The following IP6K2 variants were observed in gnomAD, a reference collection of about 807,000 sequenced individuals.
IP6K2 encodes the protein inositol hexakisphosphate kinase 2, also known as ATP:1D-myo-inositol-hexakisphosphate phosphotransferase.
IP6K2 carries 9 observed loss-of-function variants against 43.3 expected under a neutral mutation model. The observed-to-expected ratio is 0.21, with a 90% CI of 0.13 to 0.36. The LOEUF (loss-of-function observed/expected upper bound fraction) is 0.36. Among genes scored for constraint, IP6K2 ranks in the 10% least tolerant of loss-of-function variants. The probability of loss-of-function intolerance (pLI) is 1.00; values close to 1 mark genes in which losing one functional copy is unlikely to be tolerated. For missense variants in IP6K2, 332 were observed against 538.4 expected (o/e 0.62, Z 3.79); for synonymous variants, 209 against 202.4 (o/e 1.03, Z -0.28).
chr3:48,689,784 G>T, intron 4 of IP6K2, 71 bp from the exon 5 acceptor site: 1 of 1,358,894 alleles, frequency 7.4e-7, no homozygotes, highest in Non-Finnish European at 1.0e-6. Flanking sequence ...TCAAGGTACA[G>T]TGCCTTGATG....
At chr3:48,694,506 C>G (rs763975822) in intron 2 of IP6K2, 12 of 1,541,888 alleles carry the variant, frequency 7.8e-6, no homozygotes, top group Non-Finnish European at 1.0e-5. Flanking sequence ...CCCCACCATG[C>G]TGGTGGCTGC....
chr3:48,694,686 C>T (rs1024102586), intron 2 of IP6K2: 20 of 1,505,810 alleles, frequency 1.3e-5, no homozygotes, highest in South Asian at 6.5e-5. Flanking sequence ...CGCTGCTCCC[C>T]GGCCTACCTA....
At chr3:48,693,988 T>G in intron 2 of IP6K2, 1 of 1,372,074 alleles carries the variant, frequency 7.3e-7, no homozygotes, top group Non-Finnish European at 9.4e-7. Flanking sequence ...ACGAGCGCCT[T>G]ACAAACGACT....
chr3:48,707,828 C>A (rs2079992818), intron 1 of IP6K2, among the ~76,000 whole-genome samples: 1 of 152,160 alleles, frequency 6.6e-6, no homozygotes, highest in African/African-American at 2.4e-5. Context: ...CCCAAAACAG[C>A]AGATTGTTCC....
chr3:48,704,203 T>C (rs1191785615), intron 1 of IP6K2, among the ~76,000 whole-genome samples: 2 of 152,212 alleles, frequency 1.3e-5, no homozygotes, highest in Non-Finnish European at 2.9e-5. Flanking sequence ...AAGGATGTCT[T>C]GTGGGGAACA....
intron 1 of IP6K2, among the ~76,000 whole-genome samples, chr3:48,710,648 C>T (rs994507415): frequency 6.6e-6 from 1 of 151,906 alleles, no homozygotes; most frequent in South Asian, 2.1e-4. Flanking sequence ...CTCACTCTGT[C>T]GCCCAGGCTG....
intron 1 of IP6K2, among the ~76,000 whole-genome samples, chr3:48,699,007 A>G (rs1302043309): frequency 6.6e-6 from 1 of 152,164 alleles, no homozygotes. Flanking sequence ...CCTTAAATGT[A>G]CTCAGTTACG....
At chr3:48,698,653 A>G (rs777483790) in intron 1 of IP6K2, among the ~76,000 whole-genome samples, 2 of 151,952 alleles carry the variant, frequency 1.3e-5, no homozygotes, top group Admixed American at 6.6e-5. Flanking sequence ...TTGTATTTTT[A>G]GTAGAGATGG....
At position 48,695,125 on chromosome 3, in the gene IP6K2, G is replaced by C. The variant is rs968006325; in HGVS notation, c.167C>G (p.Pro56Arg). The stretch of plus-strand genomic sequence containing the variant: ...GGGAGTGAATTTGCGCATCTCAGCA[G>C]GGAGGGTCTCGTAGAACTGATGTTC... Reference protein sequence around the residue: ...PREHQFYETLPAEMRKFTPQY... With the variant: ...PREHQFYETLRAEMRKFTPQY... The change falls in exon 2 of 6, where the codon CCT (proline) becomes CGT (arginine). Residue 56 changes from proline (P) to arginine (R), a missense_variant. Coordinates refer to ENST00000328631, the MANE Select transcript of IP6K2 (RefSeq NM_016291.4). This position sits in a 1 kb window ranked among gnomAD's most constrained non-coding sequence, Gnocchi z 4.6. The C allele has an allele frequency of 6.2e-7, 1 of 1,612,346 alleles. No homozygotes were observed. The highest frequency in any genetic ancestry group is 8.5e-7 in the Non-Finnish European group (1 of 1,178,572).
rs150531457 is a variant in IP6K2, at chr3:48,695,484, C to T, written c.-130-63G>A. On this transcript the variant is annotated intron_variant, in intron 1 of 5. Coordinates refer to ENST00000328631, the MANE Select transcript of IP6K2 (RefSeq NM_016291.4). This position sits in a 1 kb window ranked among gnomAD's most constrained non-coding sequence, Gnocchi z 4.6. Reference sequence around the variant, plus strand: ...TAGCGTGGGAAGTGCCTTAGAGCTGCTCACCCTGCTCCTTCAGCAGAAAGA... The same window carrying T: ...TAGCGTGGGAAGTGCCTTAGAGCTGTTCACCCTGCTCCTTCAGCAGAAAGA... 6 of 1,314,522 alleles carry T rather than the reference C, an allele frequency of 4.6e-6. No individual in the cohort carries two copies. Among genetic ancestry groups the T allele is most frequent in the Non-Finnish European group, 5.8e-6 (6 of 1,029,798 alleles). The allele number at this position is 1,314,522 out of a possible 1,614,324, so 81.4% of individuals were successfully genotyped here. A position where few individuals can be genotyped will look rare whatever the true frequency, so the allele number is the denominator to read the frequency against.
chr3:48,704,497 G>C (rs2079462845), intron 1 of IP6K2, among the ~76,000 whole-genome samples: 1 of 149,056 alleles, frequency 6.7e-6, no homozygotes, highest in East Asian at 1.9e-4. Context: ...TTTTGAGACA[G>C]GGTCTCCATT....
Position 48,693,128 on chromosome 3 carries a change from A to C in IP6K2, c.254T>G (p.Ile85Arg). ...EEDEDRNLCL[I>R]AYPLKGDHGI... ...ATGGTCCCCTTTCAATGGATATGCT[A>C]TTAGACACAAGTTCCTGTCTTCATC... The change falls in exon 3 of 6, where the codon ATA becomes AGA. Residue 85 changes from isoleucine (I) to arginine (R), a missense_variant. Physicochemically the swap from Ile to Arg is moderately conservative, Grantham distance 97. Coordinates refer to ENST00000328631, the MANE Select transcript of IP6K2 (RefSeq NM_016291.4). 6.2e-7 allele frequency: 1 copy of C among 1,614,260 alleles called. No homozygotes were observed.
At chr3:48,710,716 T>C (rs992021498) in intron 1 of IP6K2, among the ~76,000 whole-genome samples, 3 of 152,054 alleles carry the variant, frequency 2.0e-5, no homozygotes, top group Admixed American at 6.6e-5. Flanking sequence ...TTCACGCCAT[T>C]CTCTTGCCTC....
intron 1 of IP6K2, among the ~76,000 whole-genome samples, chr3:48,714,103 C>T (rs376209803): frequency 2.6e-5 from 4 of 152,250 alleles, no homozygotes; most frequent in South Asian, 2.1e-4. Flanking sequence ...GGTGACAGAG[C>T]GAGACTCCGT....
Position 48,688,177 on chromosome 3 carries a change from G to T in IP6K2, c.*96C>A, listed in dbSNP as rs1434312861. 1 of 1,418,412 alleles carries T rather than the reference G, an allele frequency of 7.1e-7. No individual in the cohort carries two copies. Among genetic ancestry groups the T allele is most frequent in the Admixed American group, 1.8e-5 (1 of 55,486 alleles). The allele number at this position is 1,418,412 out of a possible 1,614,324, so 87.9% of individuals were successfully genotyped here. On this transcript the variant is annotated 3_prime_UTR_variant, in exon 6 of 6. Transcript: ENST00000328631. The surrounding 1 kb of genome is among the most constrained non-coding windows in gnomAD (Gnocchi z 5.1). Reference sequence around the variant, plus strand: ...CACTGCACATCAGCTCCAGGCTGCAGGAGCCACCACCTGGCCATACTGGCT... The same window carrying T: ...CACTGCACATCAGCTCCAGGCTGCATGAGCCACCACCTGGCCATACTGGCT...
chr3:48,702,439 G>A lies in IP6K2; in HGVS notation c.-130-7018C>T, dbSNP rs372248090. 9.4e-5 allele frequency among the ~76,000 whole-genome samples: 14 copies of A among 148,334 alleles called. No individual in the cohort carries two copies. In the East Asian group the frequency reaches 1.8e-3, roughly 19 times the overall value. On this transcript the variant is annotated intron_variant, in intron 1 of 5. Coordinates refer to ENST00000328631, the MANE Select transcript of IP6K2 (RefSeq NM_016291.4). ...ACCTCCTTCAGCCCTTTGTGCAAAT[G>A]TCACCCCCCCTTTTTTTTTTTGAGA...
intron 1 of IP6K2, among the ~76,000 whole-genome samples, chr3:48,698,230 A>G (rs1333784731): frequency 6.6e-6 from 1 of 152,222 alleles, no homozygotes; most frequent in Non-Finnish European, 1.5e-5. Flanking sequence ...GACCTTTTGA[A>G]TAAGAGTAAT....
Position 48,695,509 on chromosome 3 carries a change from A to C in IP6K2, c.-130-88T>G. On this transcript the variant is annotated intron_variant, in intron 1 of 5. Transcript: ENST00000328631. This position sits in a 1 kb window ranked among gnomAD's most constrained non-coding sequence, Gnocchi z 4.6. ...CTCACCCTGCTCCTTCAGCAGAAAG[A>C]CAAAGACAAACAGTCTGAGTTCTTG... The C allele has an allele frequency of 7.7e-7, 1 of 1,300,930 alleles. No homozygotes were observed. The highest frequency in any genetic ancestry group is 9.8e-7 in the Non-Finnish European group (1 of 1,022,950). The allele number at this position is 1,300,930 out of a possible 1,614,324, so 80.6% of individuals were successfully genotyped here. A position where few individuals can be genotyped will look rare whatever the true frequency, so the allele number is the denominator to read the frequency against.
intron 1 of IP6K2, among the ~76,000 whole-genome samples, chr3:48,706,221 C>A (rs1216290748): frequency 1.3e-5 from 2 of 151,836 alleles, no homozygotes; most frequent in Admixed American, 1.3e-4. Context: ...AAAAAAGAGG[C>A]CAAGACAGTA....
Sources: allele counts gnomAD v4.1 joint callset (sites outside exome capture counted in the v4.1 genomes callset), GRCh38; gene constraint gnomAD v4.1.1; non-coding constraint Gnocchi (gnomAD v3.1); transcripts MANE v1.5; gene names NCBI Gene and HGNC (gene_info 2026-07-23, HGNC 2026-07-21).